Variants in TEX2 observed in about 807,000 individuals in gnomAD.
The protein encoded by TEX2 is testis-expressed protein 2.
In TEX2, 53 loss-of-function variants were observed where a neutral mutation model predicts 106.9. That is an observed-to-expected ratio of 0.50 (90% CI 0.40 to 0.62). TEX2 has a LOEUF of 0.62. TEX2 is among the 20% of genes least tolerant of loss of function. The pLI is 0.00. For missense variants in TEX2, 1,207 were observed against 1,379.0 expected (o/e 0.88, Z 1.98); for synonymous variants, 523 against 534.8 (o/e 0.98, Z 0.30).
intron 4 of TEX2, among the ~76,000 whole-genome samples, chr17:64,191,138 C>T (rs2032280853): frequency 6.6e-6 from 1 of 152,128 alleles, no homozygotes; most frequent in Admixed American, 6.5e-5. Context: ...CAAAGGCAAC[C>T]CAGACTTACA....
chr17:64,181,472 CAAAAAAAAAAAAAAAAA>C (rs759988777), intron 5 of TEX2, among the ~76,000 whole-genome samples: 1 of 25,390 alleles, frequency 3.9e-5, no homozygotes, highest in East Asian at 2.3e-3. Flanking sequence ...AAGGCTATCT[CAAAAAAAAAAAAAAAAA>C]AAAAAAAAAG....
intron 1 of TEX2, among the ~76,000 whole-genome samples, chr17:64,254,766 T>C (rs1022239123): frequency 6.6e-5 from 10 of 152,246 alleles, no homozygotes; most frequent in African/African-American, 2.2e-4. Context: ...TTGGGCTTTG[T>C]GTAAAATTCA....
At chr17:64,233,347 G>A (rs1170077769) in intron 1 of TEX2, among the ~76,000 whole-genome samples, 3 of 152,230 alleles carry the variant, frequency 2.0e-5, no homozygotes, top group Non-Finnish European at 4.4e-5. Context: ...GCCAAGGTGG[G>A]TGGATCACGA....
At position 64,224,219 on chromosome 17, in the gene TEX2, T is replaced by C. The variant is rs117864417; in HGVS notation, c.-25-9977A>G. On this transcript the variant is annotated intron_variant, in intron 1 of 11. Transcript: ENST00000584379. ...TTGCAGAGGATGTCTTAATACTTCT[T>C]ACCTGTGCATTTTTTAATAGGAGTT... Among the ~76,000 whole-genome samples, 10 of 152,298 alleles carry C rather than the reference T, an allele frequency of 6.6e-5. No individual in the cohort carries two copies. The East Asian group carries it at 1.9e-3, about 29-fold the overall frequency.
chr17:64,227,949 C>A (rs765445752), intron 1 of TEX2, among the ~76,000 whole-genome samples: 1 of 152,166 alleles, frequency 6.6e-6, no homozygotes, highest in Non-Finnish European at 1.5e-5. Context: ...GATTTTTAAT[C>A]GCTGTATAGG....
chr17:64,255,688 A>G (rs2034170712), intron 1 of TEX2: 1 of 152,222 alleles, frequency 6.6e-6, no homozygotes, highest in Non-Finnish European at 1.5e-5. Flanking sequence ...ATAGCACTTT[A>G]TTGACTATCC....
Position 64,214,260 on chromosome 17 carries a change from A to C in TEX2, c.-25-18T>G. The C allele has an allele frequency of 1.3e-6, 2 of 1,571,058 alleles. No homozygotes were observed. Among genetic ancestry groups the C allele is most frequent in the Non-Finnish European group, 1.7e-6 (2 of 1,154,946 alleles). On this transcript the variant is annotated intron_variant, in intron 1 of 11. Transcript: ENST00000584379. Reference sequence around the variant, plus strand: ...CTCAGGCTCTGTGAAAACAGTGAGAAAACCAGAAGTCAGAGAGCAGTTTCT... The same window carrying C: ...CTCAGGCTCTGTGAAAACAGTGAGACAACCAGAAGTCAGAGAGCAGTTTCT...
At chr17:64,214,884 G>A (rs2033138766) in intron 1 of TEX2, among the ~76,000 whole-genome samples, 1 of 152,230 alleles carries the variant, frequency 6.6e-6, no homozygotes. Flanking sequence ...AGGCAGCCAT[G>A]AAGACATGAG....
intron 2 of TEX2, among the ~76,000 whole-genome samples, chr17:64,203,465 G>A (rs913349805): frequency 1.3e-5 from 2 of 152,100 alleles, no homozygotes; most frequent in African/African-American, 4.8e-5. Flanking sequence ...AACATAAGCA[G>A]GATTTTGTCT....
Position 64,213,046 on chromosome 17 carries a change from T to C in TEX2, c.1172A>G (p.Lys391Arg). The C allele has an allele frequency of 6.2e-7, 1 of 1,614,222 alleles. No homozygotes were observed. The highest frequency in any genetic ancestry group is 1.6e-4 in the Middle Eastern group (1 of 6,062). Residue 391 changes from lysine to arginine, a missense_variant, in exon 2 of 12, where the codon AAG becomes AGG. Around this residue, in one of 3 missense-constraint regions of TEX2, gnomAD observed 1,067 missense variants for 1,193.6 expected, o/e 0.89. Transcript: ENST00000584379. The surrounding 1 kb of genome is among the most constrained non-coding windows in gnomAD (Gnocchi z 4.4). ...ELKSSQGSSLKDLGLKTSSLV... is the reference protein window; with the variant it reads ...ELKSSQGSSLRDLGLKTSSLV... The stretch of plus-strand genomic sequence containing the variant: ...AGAACTTGTCTTCAGGCCTAAATCC[T>C]TCAGACTGCTCCCCTGGGAACTTTT...
Position 64,176,233 on chromosome 17 carries a change from C to T in TEX2, c.2571+1092G>A, listed in dbSNP as rs144405823. Among the ~76,000 whole-genome samples, 4 of 152,290 alleles carry T rather than the reference C, an allele frequency of 2.6e-5. No individual in the cohort carries two copies. The East Asian group carries it at 5.8e-4, about 22-fold the overall frequency. ...GGAAGAAGGGACACTGGCCCACAGA[C>T]AGCAGCCAGAGCTTGACAAGGCCAG... On this transcript the variant is annotated intron_variant, in intron 6 of 11. Transcript: ENST00000584379.
rs1316706004 is a variant in TEX2 at position 64,188,254 on chromosome 17, T to C, written c.2338A>G (p.Met780Val). ...CTTTCCTGGGGGACACACCTGCCCATGTACACGCTGTAGTCGAGAAGCATC... is the reference window on the plus strand; with the variant it reads ...CTTTCCTGGGGGACACACCTGCCCACGTACACGCTGTAGTCGAGAAGCATC... ...QKMLLDYSVYMGRCVPQESRS... is the reference protein window; with the variant it reads ...QKMLLDYSVYVGRCVPQESRS... The change falls in exon 5 of 12, where the codon ATG (methionine) becomes GTG (valine). Residue 780 changes from methionine to valine, a missense_variant. Physicochemically the swap from Met to Val is conservative, Grantham distance 21. This residue lies in a region of TEX2 where 1,067 missense variants were observed against 1,193.6 expected (regional missense o/e 0.89). Coordinates refer to ENST00000584379, the MANE Select transcript of TEX2 (RefSeq NM_001288732.2). The C allele has an allele frequency of 8.7e-6, 14 of 1,613,864 alleles. No homozygotes were observed. Among genetic ancestry groups the C allele is most frequent in the Admixed American group, 1.7e-5 (1 of 59,990 alleles).
chr17:64,177,789 G>A (rs555198588), intron 5 of TEX2, among the ~76,000 whole-genome samples: 1 of 152,286 alleles, frequency 6.6e-6, no homozygotes, highest in African/African-American at 2.4e-5. Flanking sequence ...TCAACATTAT[G>A]CATCAGTGAC....
At position 64,177,390 on chromosome 17, in the gene TEX2, A is replaced by C; in HGVS notation, c.2506T>G (p.Leu836Val). 6.2e-7 allele frequency: 1 copy of C among 1,614,156 alleles called. No homozygotes were observed. The highest frequency in any genetic ancestry group is 8.5e-7 in the Non-Finnish European group (1 of 1,180,004). The change falls in exon 6 of 12, where the codon TTA becomes GTA. Residue 836 changes from leucine to valine, a missense_variant. This residue lies in a region of TEX2 where 1,067 missense variants were observed against 1,193.6 expected (regional missense o/e 0.89). Coordinates refer to ENST00000584379, the MANE Select transcript of TEX2 (RefSeq NM_001288732.2). The part of the protein sequence containing the change: ...ALLGRIFWDF[L>V]GEKYWSDLVS... ...AGATCAGACCAGTATTTCTCTCCTAAGAAGTCCCAAAATATTCTTCCAAGC... is the reference window on the plus strand; with the variant it reads ...AGATCAGACCAGTATTTCTCTCCTACGAAGTCCCAAAATATTCTTCCAAGC...
At position 64,181,471 on chromosome 17, in the gene TEX2, TCAAAAAAAAAAAAAA is replaced by T. The variant is rs1371965350; in HGVS notation, c.2425-4015_2425-4001del. 3.7e-3 allele frequency among the ~76,000 whole-genome samples: 434 copies of T among 117,424 alleles called. 7 individuals are homozygous for T. The highest frequency in any genetic ancestry group is 0.013 in the African/African-American group (398 of 30,664). 77.0% of individuals were successfully genotyped at this position (117,424 alleles called of 152,430 possible). ...ACCCTGGCCACAGAGCAAGGCTATCTCAAAAAAAAAAAAAAAAAAAAAAAAAAGCAAAATTAGATC... is the reference window on the plus strand; with the variant it reads ...ACCCTGGCCACAGAGCAAGGCTATCTAAAAAAAAAAAAGCAAAATTAGATC... On this transcript the variant is annotated intron_variant, in intron 5 of 11. Coordinates refer to ENST00000584379, the MANE Select transcript of TEX2 (RefSeq NM_001288732.2).
chr17:64,261,188 T>C (rs997352765), intron 1 of TEX2, among the ~76,000 whole-genome samples: 1 of 152,172 alleles, frequency 6.6e-6, no homozygotes, highest in Non-Finnish European at 1.5e-5. Context: ...GCAACTAATA[T>C]GGCATATAGA....
chr17:64,189,542 C>T (rs1352755273), intron 4 of TEX2, among the ~76,000 whole-genome samples: 2 of 152,086 alleles, frequency 1.3e-5, no homozygotes, highest in African/African-American at 4.8e-5. Flanking sequence ...AGAGATTAGC[C>T]AGGAACAGAC....
intron 1 of TEX2, among the ~76,000 whole-genome samples, chr17:64,218,593 A>G (rs1555632923): frequency 2.0e-5 from 3 of 151,660 alleles, no homozygotes; most frequent in Admixed American, 1.3e-4. Context: ...TAATTTTTGT[A>G]TTTTTAGTAG....
chr17:64,234,079 GA>G (rs34543750), intron 1 of TEX2, among the ~76,000 whole-genome samples: 1 of 151,998 alleles, frequency 6.6e-6, no homozygotes, highest in Non-Finnish European at 1.5e-5. Flanking sequence ...AAGGGGTAAG[GA>G]AAAAAGGCAA....
Sources: allele counts gnomAD v4.1 joint callset (sites outside exome capture counted in the v4.1 genomes callset), GRCh38; gene constraint gnomAD v4.1.1; regional missense constraint gnomAD v4.1.1; non-coding constraint Gnocchi (gnomAD v3.1); transcripts MANE v1.5; gene names NCBI Gene and HGNC (gene_info 2026-07-23, HGNC 2026-07-21).